The following ITGB6 variants were observed in gnomAD, a reference collection of about 807,000 sequenced individuals.
ITGB6 encodes integrin subunit beta 6.
ITGB6 carries 80 observed loss-of-function variants against 84.5 expected under a neutral mutation model. That is an observed-to-expected ratio of 0.95 (90% confidence interval 0.79 to 1.14). The LOEUF (loss-of-function observed/expected upper bound fraction) is 1.14, where lower values mean the gene tolerates loss of function less well. Ranked by LOEUF, ITGB6 falls within the 50% of genes most tolerant of loss-of-function variation. The pLI is 0.00. For missense variants in ITGB6, 1,006 were observed against 968.0 expected (o/e 1.04, Z -0.52); for synonymous variants, 383 against 354.9 (o/e 1.08, Z -0.89).
chr2:160,179,390 C>CTTTTTTTTTTTTT (rs71297445), intron 4 of ITGB6, among the ~76,000 whole-genome samples: 1 of 131,178 alleles, frequency 7.6e-6, no homozygotes, highest in Non-Finnish European at 1.6e-5. Flanking sequence ...TTTTCTTTTT[C>CTTTTTTTTTTTTT]TTTTTTTTTT....
rs1412403777 is a variant in ITGB6 at position 160,112,204 on chromosome 2, A to C, written c.1982-5T>G. The C allele has an allele frequency of 1.0e-5, 16 of 1,605,870 alleles. No homozygotes were observed. The highest frequency in any genetic ancestry group is 1.4e-5 in the Non-Finnish European group (16 of 1,176,742). On this transcript the variant is annotated splice_region_variant and splice_polypyrimidine_tract_variant and intron_variant, in intron 12 of 14. Transcript: ENST00000283249. ...CAGAACCATCCTTTGAGAAATCTGC[A>C]GATAAAGGAGTCATTCATTAGGTTA...
chr2:160,116,578 A>T (rs530047133), intron 12 of ITGB6, among the ~76,000 whole-genome samples: 106 of 152,332 alleles, frequency 7.0e-4, no homozygotes, highest in African/African-American at 2.2e-3. Context: ...TGTAAAGACC[A>T]TCAAGGCTAG....
chr2:160,137,082 G>A (rs1574073357), intron 10 of ITGB6, among the ~76,000 whole-genome samples: 1 of 151,388 alleles, frequency 6.6e-6, no homozygotes, highest in African/African-American at 2.4e-5. Context: ...AAAAGAAAAG[G>A]TCAGTCAGAC....
intron 10 of ITGB6, among the ~76,000 whole-genome samples, chr2:160,133,322 A>G (rs562137862): frequency 2.0e-5 from 3 of 152,328 alleles, no homozygotes; most frequent in East Asian, 3.9e-4. Flanking sequence ...AGGCCATTAC[A>G]TAATGGTAAA....
chr2:160,144,864 G>C (rs1684133285), intron 7 of ITGB6, among the ~76,000 whole-genome samples: 1 of 152,188 alleles, frequency 6.6e-6, no homozygotes, highest in South Asian at 2.1e-4. Flanking sequence ...CGATATAAAA[G>C]CGTTGGCAGC....
intron 4 of ITGB6, among the ~76,000 whole-genome samples, chr2:160,181,130 C>A (rs530832645): frequency 6.6e-6 from 1 of 152,052 alleles, no homozygotes; most frequent in African/African-American, 2.4e-5. Flanking sequence ...GGAATTCCAG[C>A]GAGACAGAAC....
At chr2:160,102,437 G>A (rs1696756026) in intron 14 of ITGB6, among the ~76,000 whole-genome samples, 1 of 152,218 alleles carries the variant, frequency 6.6e-6, no homozygotes, top group Non-Finnish European at 1.5e-5. Flanking sequence ...GCCCTGGGTA[G>A]CCAAAGAACC....
Position 160,200,060 on chromosome 2 carries a change from C to T in ITGB6, c.4G>A (p.Gly2Arg). M[G>R]IELLCLFFLF... ...AAGAACAGGCAAAGCAGTTCAATCCCCATTCGTTTCAGTTCTTGCTGTGCA... is the reference window on the plus strand; with the variant it reads ...AAGAACAGGCAAAGCAGTTCAATCCTCATTCGTTTCAGTTCTTGCTGTGCA... The change falls in exon 1 of 15, where the codon GGG becomes AGG. Residue 2 changes from glycine to arginine, a missense_variant. By Grantham distance (125) the Gly-to-Arg change is moderately radical (BLOSUM62 -2). Transcript: ENST00000283249. The T allele has an allele frequency of 1.2e-6, 2 of 1,613,694 alleles. No individual in the cohort carries two copies. The highest frequency in any genetic ancestry group is 1.7e-6 in the Non-Finnish European group (2 of 1,179,696).
At chr2:160,197,158 T>C (rs1435975788) in intron 2 of ITGB6, among the ~76,000 whole-genome samples, 1 of 152,134 alleles carries the variant, frequency 6.6e-6, no homozygotes, top group Non-Finnish European at 1.5e-5. Flanking sequence ...AAAAGTCTGC[T>C]TTTTGCTGGT....
At chr2:160,119,597 T>C (rs922956236) in intron 12 of ITGB6, among the ~76,000 whole-genome samples, 6 of 152,010 alleles carry the variant, frequency 3.9e-5, no homozygotes, top group Non-Finnish European at 7.4e-5. Flanking sequence ...ATTCAGGACA[T>C]AGGCATGGGC....
intron 7 of ITGB6, among the ~76,000 whole-genome samples, chr2:160,148,207 G>T (rs1684272339): frequency 6.6e-6 from 1 of 152,150 alleles, no homozygotes; most frequent in South Asian, 2.1e-4. Flanking sequence ...ATGAAAAGAT[G>T]CTCCACATTA....
chr2:160,190,489 C>G (rs1686100500), intron 4 of ITGB6, among the ~76,000 whole-genome samples: 1 of 152,190 alleles, frequency 6.6e-6, no homozygotes, highest in African/African-American at 2.4e-5. Flanking sequence ...GAATCCAGGG[C>G]TGACTCCAAA....
intron 10 of ITGB6, among the ~76,000 whole-genome samples, chr2:160,129,392 C>CAAAAAAA (rs374921878): frequency 9.5e-5 from 12 of 126,786 alleles, no homozygotes; most frequent in African/African-American, 2.7e-4. Flanking sequence ...TACTTTTCTT[C>CAAAAAAA]AAAAAAAAAA....
intron 4 of ITGB6, among the ~76,000 whole-genome samples, chr2:160,181,056 G>A (rs889784424): frequency 1.3e-5 from 2 of 152,150 alleles, no homozygotes; most frequent in African/African-American, 4.8e-5. Flanking sequence ...CACAAAACTG[G>A]GTGGCTGTTT....
At position 160,196,483 on chromosome 2, in the gene ITGB6, A is replaced by G; in HGVS notation, c.142-63T>C. ...AAACAAATCTGAATTTCTTTATAAG[A>G]TACCAGCAATTGAAAGTTTTTCTGC... On this transcript the variant is annotated intron_variant, in intron 2 of 14. Coordinates refer to ENST00000283249, the MANE Select transcript of ITGB6 (RefSeq NM_000888.5). The G allele has an allele frequency of 2.9e-6, 4 of 1,395,670 alleles. No individual in the cohort carries two copies. In the South Asian group the frequency reaches 5.0e-5, roughly 18 times the overall value. The allele number at this position is 1,395,670 out of a possible 1,614,324, so 86.5% of individuals were successfully genotyped here.
At chr2:160,149,341 C>G (rs988129583) in intron 7 of ITGB6, among the ~76,000 whole-genome samples, 1 of 152,176 alleles carries the variant, frequency 6.6e-6, no homozygotes, top group Non-Finnish European at 1.5e-5. Context: ...CAGCAAACTC[C>G]AACACACCTG....
intron 7 of ITGB6, among the ~76,000 whole-genome samples, chr2:160,145,926 G>A (rs185624953): frequency 9.9e-5 from 15 of 152,274 alleles, no homozygotes; most frequent in African/African-American, 3.4e-4. Flanking sequence ...CTGGCTGTCT[G>A]CTGGGTCAGT....
intron 12 of ITGB6, among the ~76,000 whole-genome samples, chr2:160,115,011 G>T (rs1682702912): frequency 6.6e-6 from 1 of 152,120 alleles, no homozygotes; most frequent in South Asian, 2.1e-4. Flanking sequence ...CTCAAACTGG[G>T]TGGAGCCCAC....
chr2:160,178,670 TTCTC>T (rs1169328146), intron 4 of ITGB6, among the ~76,000 whole-genome samples: 29 of 126,462 alleles, frequency 2.3e-4, no homozygotes, highest in East Asian at 1.5e-3. Context: ...CTCTCTATCT[TTCTC>T]TCTCTCTCTC....
Sources: gnomAD v4.1 joint callset for allele counts (sites outside exome capture counted in the v4.1 genomes callset) on GRCh38, gnomAD v4.1.1 for gene constraint, MANE v1.5 for transcripts, NCBI Gene and HGNC (gene_info 2026-07-23, HGNC 2026-07-21) for gene names.